SUZ12: variants seen among roughly 807,000 people sequenced by gnomAD.
The protein encoded by SUZ12 is SUZ12 polycomb repressive complex 2 subunit, also known as polycomb protein SUZ12.
In SUZ12, 17 loss-of-function variants were observed where a neutral mutation model predicts 87.3. The ratio of observed to expected loss-of-function variants is 0.19; its 90% CI spans 0.13 to 0.29. SUZ12 has a LOEUF of 0.29. Among genes scored for constraint, SUZ12 ranks in the 10% least tolerant of loss-of-function variants. The pLI, the probability that SUZ12 is intolerant of heterozygous loss-of-function variation, is 1.00. For missense variants in SUZ12, 526 were observed against 912.2 expected (o/e 0.58, Z 5.45); for synonymous variants, 253 against 312.4 (o/e 0.81, Z 2.01).
intron 5 of SUZ12, among the ~76,000 whole-genome samples, chr17:31,970,010 C>T (rs576641676): frequency 1.3e-5 from 2 of 151,914 alleles, no homozygotes; most frequent in South Asian, 2.1e-4. Flanking sequence ...TGCAGCCTCC[C>T]GGGCTCAAGC....
At chr17:31,991,220 T>C (rs992611948) in intron 10 of SUZ12, among the ~76,000 whole-genome samples, 9 of 152,156 alleles carry the variant, frequency 5.9e-5, no homozygotes, top group South Asian at 2.1e-4. Flanking sequence ...TAAAGAGATA[T>C]AAGAAATGGG....
intron 4 of SUZ12, among the ~76,000 whole-genome samples, chr17:31,958,738 C>T (rs1907519617): frequency 6.6e-6 from 1 of 152,124 alleles, no homozygotes; most frequent in Non-Finnish European, 1.5e-5. Flanking sequence ...TCTAGCTACT[C>T]GGGAGGCTGA....
At position 31,975,463 on chromosome 17, in the gene SUZ12, A is replaced by G; in HGVS notation, c.592-19A>G. 6.6e-7 allele frequency: 1 copy of G among 1,515,412 alleles called. No individual in the cohort carries two copies. Among genetic ancestry groups the G allele is most frequent in the Non-Finnish European group, 9.0e-7 (1 of 1,116,788 alleles). 93.9% of individuals were successfully genotyped at this position (1,515,412 alleles called of 1,614,324 possible). On this transcript the variant is annotated intron_variant, in intron 6 of 15. Transcript: ENST00000322652. ...CTTATATACAAATAAATATAAATTA[A>G]TAATGTTTACCTTTGCAGGATGTAA...
intron 4 of SUZ12, among the ~76,000 whole-genome samples, chr17:31,950,999 C>A (rs1487482040): frequency 6.6e-6 from 1 of 152,084 alleles, no homozygotes; most frequent in Admixed American, 6.5e-5. Flanking sequence ...CCAGGATGGT[C>A]TCGATCTCCT....
intron 4 of SUZ12, among the ~76,000 whole-genome samples, chr17:31,952,283 C>G (rs1907034443): frequency 6.6e-6 from 1 of 152,174 alleles, no homozygotes; most frequent in Non-Finnish European, 1.5e-5. Flanking sequence ...TGGTCTCAAA[C>G]TCCTGGCCTC....
intron 6 of SUZ12, among the ~76,000 whole-genome samples, chr17:31,974,110 CT>C (rs1908597664): frequency 6.6e-6 from 1 of 152,002 alleles, no homozygotes; most frequent in East Asian, 1.9e-4. Flanking sequence ...GTAGTCCCAG[CT>C]ACTCGGGAGG....
intron 4 of SUZ12, among the ~76,000 whole-genome samples, chr17:31,956,798 G>A (rs918491718): frequency 6.6e-6 from 1 of 150,878 alleles, no homozygotes; most frequent in Non-Finnish European, 1.5e-5. Flanking sequence ...ATATTTTTTG[G>A]TTTTTTGAGA....
At chr17:31,976,253 C>T (rs947488431) in intron 7 of SUZ12, among the ~76,000 whole-genome samples, 2 of 152,118 alleles carry the variant, frequency 1.3e-5, no homozygotes, top group Non-Finnish European at 2.9e-5. Flanking sequence ...TGGGAGTTAC[C>T]ACGAGTGAGA....
chr17:31,980,445 T>A (rs1909034178), intron 8 of SUZ12, among the ~76,000 whole-genome samples: 1 of 82,750 alleles, frequency 1.2e-5, no homozygotes, highest in African/African-American at 4.5e-5. Flanking sequence ...TTTTTTTTTT[T>A]TTTTTTTTTT....
intron 8 of SUZ12, among the ~76,000 whole-genome samples, chr17:31,981,326 T>C (rs1909089963): frequency 1.3e-5 from 2 of 152,336 alleles, no homozygotes; most frequent in Admixed American, 6.5e-5. Flanking sequence ...TAGATACATA[T>C]GGTTCTTAAA....
At chr17:31,970,414 G>GGT (rs762181515) in intron 5 of SUZ12, among the ~76,000 whole-genome samples, 11 of 152,090 alleles carry the variant, frequency 7.2e-5, no homozygotes, top group Non-Finnish European at 1.6e-4. Flanking sequence ...GATCACCTGA[G>GGT]GTAGGGAGTT....
intron 4 of SUZ12, among the ~76,000 whole-genome samples, chr17:31,964,847 T>A (rs933903098): frequency 1.3e-5 from 2 of 152,058 alleles, no homozygotes; most frequent in African/African-American, 4.8e-5. Context: ...TCGGGCTCGG[T>A]GGCTCACACC....
At chr17:31,962,383 G>T (rs1907780475) in intron 4 of SUZ12, among the ~76,000 whole-genome samples, 1 of 152,184 alleles carries the variant, frequency 6.6e-6, no homozygotes, top group South Asian at 2.1e-4. Flanking sequence ...TTGATCTCAG[G>T]AGTTTGAGAC....
intron 8 of SUZ12, among the ~76,000 whole-genome samples, chr17:31,982,607 G>A (rs542125110): frequency 2.0e-5 from 3 of 152,198 alleles, no homozygotes; most frequent in African/African-American, 4.8e-5. Flanking sequence ...TGTGGTGAGC[G>A]GAGATTGCAC....
chr17:31,937,321 C>G lies in SUZ12; in HGVS notation c.75C>G (p.Phe25Leu), dbSNP rs1178278638. 6.2e-6 allele frequency: 9 copies of G among 1,456,702 alleles called. No individual in the cohort carries two copies. The South Asian group carries it at 8.2e-5, about 13-fold the overall frequency. 90.2% of individuals were successfully genotyped at this position (1,456,702 alleles called of 1,614,324 possible). A position where few individuals can be genotyped will look rare whatever the true frequency, so the allele number is the denominator to read the frequency against. Residue 25 changes from phenylalanine (F) to leucine (L), a missense_variant, in exon 1 of 16, where the codon TTC (phenylalanine) becomes TTG (leucine). This residue lies in a region of SUZ12 where 92 missense variants were observed against 109.9 expected (regional missense o/e 0.84). Coordinates refer to ENST00000322652, the MANE Select transcript of SUZ12 (RefSeq NM_015355.4). Reference sequence around the variant, plus strand: ...GCGCGGGGTCCGGGGGAGGCGGCTTCGGGGGTTCGGCGGCGGTGGCGGCGG... The same window carrying G: ...GCGCGGGGTCCGGGGGAGGCGGCTTGGGGGGTTCGGCGGCGGTGGCGGCGG... Reference protein sequence around the residue: ...GPSAGSGGGGFGGSAAVAAAT... With the variant: ...GPSAGSGGGGLGGSAAVAAAT...
chr17:31,949,520 A>G (rs1414128390), intron 4 of SUZ12, among the ~76,000 whole-genome samples: 1 of 151,492 alleles, frequency 6.6e-6, no homozygotes, highest in Non-Finnish European at 1.5e-5. Context: ...ACTTTCTTTA[A>G]TCTATTTCTT....
intron 11 of SUZ12, among the ~76,000 whole-genome samples, 200 bp downstream of exon 11, chr17:31,993,533 AC>A: frequency 6.6e-6 from 1 of 152,072 alleles, no homozygotes; most frequent in South Asian, 2.1e-4. Flanking sequence ...CCTGATTCTC[AC>A]GCCTCAGCCT....
At chr17:31,994,356 T>C (rs747014507) in intron 12 of SUZ12, 10 of 471,962 alleles carry the variant, frequency 2.1e-5, no homozygotes, top group Admixed American at 3.9e-5. Context: ...AAATAATTTG[T>C]ACAAAGTCAC....
intron 4 of SUZ12, among the ~76,000 whole-genome samples, chr17:31,951,262 A>G (rs1174102083): frequency 2.0e-5 from 3 of 152,216 alleles, no homozygotes; most frequent in Non-Finnish European, 2.9e-5. Flanking sequence ...CCATAGTAGT[A>G]TAGCCCAAAA....
Sources: gnomAD v4.1 joint callset for allele counts (sites outside exome capture counted in the v4.1 genomes callset) on GRCh38, gnomAD v4.1.1 for gene constraint, gnomAD v4.1.1 regional missense constraint, MANE v1.5 for transcripts, NCBI Gene and HGNC (gene_info 2026-07-23, HGNC 2026-07-21) for gene names.